Variants in TBPL2 observed in about 807,000 individuals in gnomAD.
TBPL2 encodes the protein TATA-box binding protein like 2.
TBPL2 carries 40 observed loss-of-function variants against 38.2 expected under a neutral mutation model. That is an observed-to-expected ratio of 1.05 (90% CI 0.81 to 1.36). The LOEUF (loss-of-function observed/expected upper bound fraction) is 1.36, where lower values mean the gene tolerates loss of function less well. Ranked by LOEUF, TBPL2 falls within the 40% of genes most tolerant of loss-of-function variation. The pLI, the probability that TBPL2 is intolerant of heterozygous loss-of-function variation, is 0.00. For missense variants in TBPL2, 461 were observed against 456.7 expected (o/e 1.01, Z -0.09); for synonymous variants, 169 against 171.7 (o/e 0.98, Z 0.12).
At chr14:55,436,685 C>T (rs1240973008) in exon 2 of TBPL2, 5 of 1,614,208 alleles carry the variant, frequency 3.1e-6, no homozygotes, top group East Asian at 2.2e-5. Flanking sequence ...GAGTCAGTAT[C>T]ACCAGGGTGC....
chr14:55,420,572 C>T (rs1344501595), intron 6 of TBPL2, among the ~76,000 whole-genome samples: 1 of 152,150 alleles, frequency 6.6e-6, no homozygotes, highest in African/African-American at 2.4e-5. Flanking sequence ...ACAGTATAAG[C>T]AGAATTTGGA....
chr14:55,426,561 T>C (rs1440563725), intron 5 of TBPL2, among the ~76,000 whole-genome samples: 1 of 152,010 alleles, frequency 6.6e-6, no homozygotes, highest in Non-Finnish European at 1.5e-5. Context: ...TTCTAAGAGG[T>C]GTTTTTAATG....
At chr14:55,426,974 G>T (rs2140171227) in intron 5 of TBPL2, among the ~76,000 whole-genome samples, 1 of 152,322 alleles carries the variant, frequency 6.6e-6, no homozygotes, top group South Asian at 2.1e-4. Context: ...TGAATGGCCA[G>T]AAGGGAATGC....
chr14:55,433,869 A>G, intron 3 of TBPL2, 148 bp from the exon 4 acceptor site: 1 of 596,288 alleles, frequency 1.7e-6, no homozygotes, highest in Non-Finnish European at 2.8e-6. Context: ...AAGGTTAACA[A>G]AAATAATGAT....
chr14:55,423,839 G>T (rs1051297987), intron 6 of TBPL2, among the ~76,000 whole-genome samples: 12 of 152,154 alleles, frequency 7.9e-5, no homozygotes, highest in Non-Finnish European at 1.8e-4. Context: ...CCCTGTGTTA[G>T]GACCTTGTGT....
chr14:55,415,349 T>C (rs377103281), intron 6 of TBPL2, among the ~76,000 whole-genome samples: 3 of 152,328 alleles, frequency 2.0e-5, no homozygotes, highest in African/African-American at 7.2e-5. Flanking sequence ...AACTATAAAG[T>C]ACATTGCTGA....
chr14:55,432,134 G>A (rs1364204309), intron 4 of TBPL2, among the ~76,000 whole-genome samples: 2 of 151,868 alleles, frequency 1.3e-5, no homozygotes, highest in Non-Finnish European at 2.9e-5. Flanking sequence ...TAGGCCAGAT[G>A]TAGTAGCTCA....
chr14:55,429,777 A>G (rs1414332220), intron 4 of TBPL2, among the ~76,000 whole-genome samples: 2 of 150,136 alleles, frequency 1.3e-5, no homozygotes, highest in Non-Finnish European at 3.0e-5. Flanking sequence ...AAAAAAAAAA[A>G]AAAAAAAAAA....
chr14:55,426,821 G>A (rs542800826), intron 5 of TBPL2, among the ~76,000 whole-genome samples: 4 of 152,304 alleles, frequency 2.6e-5, no homozygotes, highest in South Asian at 2.1e-4. Flanking sequence ...TTCTCACTGC[G>A]CCTTACTGGC....
At chr14:55,436,713 T>C in exon 2 of TBPL2, 1 of 1,614,172 alleles carries the variant, frequency 6.2e-7, no homozygotes, top group Admixed American at 1.7e-5. Flanking sequence ...AATGGGAATT[T>C]GACAAACTGC....
chr14:55,424,528 G>C (rs2140169120), intron 5 of TBPL2, among the ~76,000 whole-genome samples: 1 of 152,340 alleles, frequency 6.6e-6, no homozygotes, highest in African/African-American at 2.4e-5. Context: ...ATCTGATTTA[G>C]TGTATTGAGA....
exon 2 of TBPL2, chr14:55,436,897 G>A: frequency 6.2e-7 from 1 of 1,614,238 alleles, no homozygotes; most frequent in Non-Finnish European, 8.5e-7. Context: ...GAAATCACCA[G>A]ATGTTTCTTT....
At chr14:55,440,497 G>C (rs771325179) in exon 1 of TBPL2, 4 of 1,612,300 alleles carry the variant, frequency 2.5e-6, no homozygotes, top group Middle Eastern at 1.7e-4. Context: ...GAGGGTAAGC[G>C]CGGAGCGAGC....
In TBPL2 at chr14:55,433,735, C is replaced by T. The variant is rs1450767347; in HGVS notation, c.697-14G>A. ...AGCAGCAAACCTCTATACCCAGAAA[C>T]CAAAAGAGAATTAGCCTCTGCTAGG... is the stretch of plus-strand genomic sequence containing the variant. On this transcript the variant is annotated splice_polypyrimidine_tract_variant and intron_variant, in intron 3 of 6. Coordinates refer to ENST00000247219, the Ensembl canonical transcript of TBPL2. 1.2e-6 allele frequency: 2 copies of T among 1,611,800 alleles called. No individual in the cohort carries two copies. Among genetic ancestry groups the T allele is most frequent in the Admixed American group, 3.4e-5 (2 of 59,600 alleles).
chr14:55,428,117 A>ATTTTTTTTTTTT (rs1420262023), intron 5 of TBPL2, among the ~76,000 whole-genome samples: 1 of 48,332 alleles, frequency 2.1e-5, no homozygotes, highest in Non-Finnish European at 4.1e-5. Flanking sequence ...CACATGCCTT[A>ATTTTTTTTTTTT]TCTTTTTTTT....
In TBPL2 at chr14:55,433,575, T is replaced by C. The variant is rs1885965941; in HGVS notation, c.788+55A>G. On this transcript the variant is annotated intron_variant, in intron 4 of 6. Transcript: ENST00000247219. ...TTAGCACATTAATTCTATGCTTCCT[T>C]GTTTTACATACTAAATTGTTTCTCT... 6 of 1,520,078 alleles carry C rather than the reference T, an allele frequency of 3.9e-6. No individual in the cohort carries two copies. The South Asian group carries it at 6.8e-5, about 17-fold the overall frequency. 94.2% of individuals were successfully genotyped at this position (1,520,078 alleles called of 1,614,324 possible).
chr14:55,440,574 C>A (rs762980961), exon 1 of TBPL2: 1 of 1,559,906 alleles, frequency 6.4e-7, no homozygotes, highest in African/African-American at 1.4e-5. Flanking sequence ...CGAGGCGGGG[C>A]GGCCCTCGGC....
At chr14:55,416,288 A>G (rs1736602755) in intron 6 of TBPL2, among the ~76,000 whole-genome samples, 1 of 152,156 alleles carries the variant, frequency 6.6e-6, no homozygotes, top group South Asian at 2.1e-4. Flanking sequence ...AGTCCTTATA[A>G]GCTTAATTTT....
At chr14:55,435,923 G>A (rs867758024) in exon 3 of TBPL2, 3 of 1,571,806 alleles carry the variant, frequency 1.9e-6, no homozygotes, top group South Asian at 2.4e-5. Flanking sequence ...GTTTACAGTG[G>A]AAACTATATT....
Sources: allele counts gnomAD v4.1 joint callset (sites outside exome capture counted in the v4.1 genomes callset), GRCh38; gene constraint gnomAD v4.1.1; transcripts MANE v1.5; gene names NCBI Gene and HGNC (gene_info 2026-07-23, HGNC 2026-07-21).